TRAFD1: variants seen among roughly 807,000 people sequenced by gnomAD.
TRAFD1 encodes TRAF-type zinc finger domain-containing protein 1.
A neutral mutation model predicts 65.3 loss-of-function variants in TRAFD1; 38 were observed. The observed-to-expected ratio is 0.58, with a 90% CI of 0.45 to 0.76. The LOEUF (loss-of-function observed/expected upper bound fraction) is 0.76. Among genes scored for constraint, TRAFD1 ranks in the 30% least tolerant of loss-of-function variants. The pLI is 0.00. For missense variants in TRAFD1, 631 were observed against 712.6 expected, an observed-to-expected ratio of 0.89 and a Z score of 1.30; for synonymous variants, 223 against 257.2, an observed-to-expected ratio of 0.87 and a Z score of 1.27.
intron 1 of TRAFD1, among the ~76,000 whole-genome samples, chr12:112,127,498 C>T (rs1289068173): frequency 6.6e-6 from 1 of 152,082 alleles, no homozygotes; most frequent in East Asian, 1.9e-4. Context: ...CTCACTCTGT[C>T]ACCCCGGCTG....
At chr12:112,149,944 C>T in intron 9 of TRAFD1, 73 bp downstream of exon 9, 1 of 1,590,344 alleles carries the variant, frequency 6.3e-7, no homozygotes, top group Non-Finnish European at 8.6e-7. Context: ...ACTTCCCATC[C>T]ACTGCTCTAA....
At chr12:112,131,670 G>A (rs1283895899) in intron 2 of TRAFD1, among the ~76,000 whole-genome samples, 3 of 152,090 alleles carry the variant, frequency 2.0e-5, no homozygotes, top group African/African-American at 7.2e-5. Context: ...ATCTGGATAC[G>A]GAATTGTGTG....
chr12:112,137,762 AAAAAATAAATAAAT>A lies in TRAFD1; in HGVS notation c.237+2717_237+2730del, dbSNP rs1175748859. 1.3e-5 allele frequency among the ~76,000 whole-genome samples: 2 copies of A among 152,174 alleles called. No individual in the cohort carries two copies. The highest frequency in any genetic ancestry group is 6.5e-5 in the Admixed American group (1 of 15,270). On this transcript the variant is annotated intron_variant, in intron 4 of 11. Transcript: ENST00000412615. The surrounding 1 kb of genome is among the most constrained non-coding windows in gnomAD (Gnocchi z 4.2). Reference sequence around the variant, plus strand: ...GGGCGACAGAGCGAGACTCCGTCTAAAAAAATAAATAAATAAAAATAAATAAATAAAAATCCAAA... The same window carrying A: ...GGGCGACAGAGCGAGACTCCGTCTAAAAAAATAAATAAATAAAAATCCAAA...
At chr12:112,128,114 C>T (rs373843396) in intron 1 of TRAFD1, among the ~76,000 whole-genome samples, 10 of 152,004 alleles carry the variant, frequency 6.6e-5, no homozygotes, top group East Asian at 3.8e-4. Flanking sequence ...CTCCACCTCC[C>T]GGGTTCAAGC....
chr12:112,136,280 G>GTTT (rs751115049), intron 4 of TRAFD1, among the ~76,000 whole-genome samples: 4 of 138,372 alleles, frequency 2.9e-5, no homozygotes, highest in Admixed American at 7.3e-5. Flanking sequence ...TCAGCCCAAA[G>GTTT]TTTTTTTTTT....
chr12:112,148,767 C>T (rs936982841), intron 8 of TRAFD1, among the ~76,000 whole-genome samples: 11 of 152,196 alleles, frequency 7.2e-5, no homozygotes, highest in African/African-American at 2.7e-4. Context: ...TCAGCATTTA[C>T]AGTATAGGAT....
intron 1 of TRAFD1, among the ~76,000 whole-genome samples, chr12:112,128,187 A>T (rs1233304365): frequency 6.7e-6 from 1 of 150,006 alleles, no homozygotes; most frequent in African/African-American, 2.5e-5. Context: ...TTTTATTTTT[A>T]GTAGAGAGGT....
chr12:112,136,334 C>T (rs908547730), intron 4 of TRAFD1, among the ~76,000 whole-genome samples: 37 of 147,456 alleles, frequency 2.5e-4, no homozygotes, highest in Non-Finnish European at 4.3e-4. Context: ...GGCTGGAGTG[C>T]GGTGGTGCAG....
At chr12:112,126,490 C>A (rs2079538353) in intron 1 of TRAFD1, among the ~76,000 whole-genome samples, 1 of 152,062 alleles carries the variant, frequency 6.6e-6, no homozygotes, top group South Asian at 2.1e-4. Context: ...ACCTTGACCC[C>A]CAGAGGGGGA....
chr12:112,128,139 C>T (rs1457680862), intron 1 of TRAFD1, among the ~76,000 whole-genome samples: 2 of 151,994 alleles, frequency 1.3e-5, no homozygotes, highest in African/African-American at 2.4e-5. Context: ...CTGCTTCAGC[C>T]TCCCTAGTAG....
At position 112,137,471 on chromosome 12, in the gene TRAFD1, T is replaced by A. The variant is rs2029940303; in HGVS notation, c.237+2405T>A. Reference sequence around the variant, plus strand: ...TAGGGAGCATCCCTCAGCCTTGATCTTCATTTCTTGGCTGGGCGCAGTGGC... The same window carrying A: ...TAGGGAGCATCCCTCAGCCTTGATCATCATTTCTTGGCTGGGCGCAGTGGC... On this transcript the variant is annotated intron_variant, in intron 4 of 11. Transcript: ENST00000412615. This position sits in a 1 kb window ranked among gnomAD's most constrained non-coding sequence, Gnocchi z 4.2. Among the ~76,000 whole-genome samples, 1 of 152,062 alleles carries A rather than the reference T, an allele frequency of 6.6e-6. No homozygotes were observed. The highest frequency in any genetic ancestry group is 2.4e-5 in the African/African-American group (1 of 41,420).
At chr12:112,129,120 A>C (rs2136967726) in intron 1 of TRAFD1, among the ~76,000 whole-genome samples, 1 of 151,842 alleles carries the variant, frequency 6.6e-6, no homozygotes, top group African/African-American at 2.4e-5. Flanking sequence ...AAAGGAGATT[A>C]ACTACAAGTA....
chr12:112,144,655 A>G (rs2030189645), intron 6 of TRAFD1, among the ~76,000 whole-genome samples: 2 of 152,248 alleles, frequency 1.3e-5, no homozygotes, highest in Admixed American at 6.5e-5. Context: ...CTGAGACGGG[A>G]GGTTCATTTG....
chr12:112,138,128 A>G (rs553676290), intron 4 of TRAFD1, among the ~76,000 whole-genome samples: 6 of 152,136 alleles, frequency 3.9e-5, no homozygotes, highest in South Asian at 4.2e-4. Flanking sequence ...TGTAGTCCCA[A>G]TTGCTCGAGG....
chr12:112,132,501 G>GT (rs1400465095), intron 2 of TRAFD1, among the ~76,000 whole-genome samples: 1 of 152,196 alleles, frequency 6.6e-6, no homozygotes, highest in African/African-American at 2.4e-5. Flanking sequence ...AAAATGAGTA[G>GT]TTTCCTTAGA....
chr12:112,135,959 T>C (rs1042183006), intron 4 of TRAFD1, among the ~76,000 whole-genome samples: 2 of 149,302 alleles, frequency 1.3e-5, no homozygotes, highest in East Asian at 4.2e-4. Flanking sequence ...CTGGCCAACA[T>C]GGTGAAACCC....
At chr12:112,146,877 GT>G (rs2030262102) in intron 7 of TRAFD1, among the ~76,000 whole-genome samples, 1 of 151,236 alleles carries the variant, frequency 6.6e-6, no homozygotes, top group Non-Finnish European at 1.5e-5. Context: ...TAAATACTTG[GT>G]ATCTGAAAAG....
At chr12:112,135,684 G>A (rs2079595587) in intron 4 of TRAFD1, among the ~76,000 whole-genome samples, 1 of 152,054 alleles carries the variant, frequency 6.6e-6, no homozygotes, top group African/African-American at 2.4e-5. Context: ...TGGGATTACA[G>A]GCGTGAGCCA....
Position 112,151,099 on chromosome 12 carries a change from G to A in TRAFD1, c.1280-702G>A, listed in dbSNP as rs184304148. 9.9e-5 allele frequency among the ~76,000 whole-genome samples: 15 copies of A among 151,850 alleles called. 1 individual carries two copies. In the East Asian group the frequency reaches 2.8e-3, roughly 28 times the overall value. Reference sequence around the variant, plus strand: ...CTAAAAATACAAAAATTAGCCGGGCGTGGTGGCGGGCGCCAGTAGTCCCAG... The same window carrying A: ...CTAAAAATACAAAAATTAGCCGGGCATGGTGGCGGGCGCCAGTAGTCCCAG... On this transcript the variant is annotated intron_variant, in intron 9 of 11. Coordinates refer to ENST00000412615, the MANE Select transcript of TRAFD1 (RefSeq NM_006700.3).
Sources: allele counts gnomAD v4.1 joint callset (sites outside exome capture counted in the v4.1 genomes callset), GRCh38; gene constraint gnomAD v4.1.1; non-coding constraint Gnocchi (gnomAD v3.1); transcripts MANE v1.5; gene names NCBI Gene and HGNC (gene_info 2026-07-23, HGNC 2026-07-21).